C1orf198: variants seen among roughly 807,000 people sequenced by gnomAD.
C1orf198 encodes chromosome 1 open reading frame 198, also known as uncharacterized protein C1orf198.
C1orf198 carries 17 observed loss-of-function variants against 31.4 expected under a neutral mutation model. The ratio of observed to expected loss-of-function variants is 0.54; its 90% CI spans 0.37 to 0.81. The LOEUF (loss-of-function observed/expected upper bound fraction) is 0.81, where lower values mean the gene tolerates loss of function less well. C1orf198 is among the 40% of genes least tolerant of loss of function. C1orf198 has a pLI of 0.00. For synonymous variants in C1orf198, 175 were observed against 193.8 expected, an observed-to-expected ratio of 0.90 and a Z score of 0.81; for missense variants, 401 against 450.3, an observed-to-expected ratio of 0.89 and a Z score of 0.99.
intron 1 of C1orf198, among the ~76,000 whole-genome samples, chr1:230,865,193 C>T (rs1190778209): frequency 6.6e-6 from 1 of 152,194 alleles, no homozygotes; most frequent in Admixed American, 6.5e-5. Flanking sequence ...CAAACTACCC[C>T]TTAAGAGGGG....
intron 1 of C1orf198, among the ~76,000 whole-genome samples, chr1:230,863,011 A>G (rs925229911): frequency 6.6e-6 from 1 of 152,220 alleles, no homozygotes; most frequent in African/African-American, 2.4e-5. Flanking sequence ...ATTCAAAAAG[A>G]GGAGAGTAAG....
At chr1:230,851,852 CA>C (rs1669754449) in intron 2 of C1orf198, among the ~76,000 whole-genome samples, 1 of 152,218 alleles carries the variant, frequency 6.6e-6, no homozygotes, top group African/African-American at 2.4e-5. Flanking sequence ...GCAGCGACCA[CA>C]GGTCCCAAGC....
At chr1:230,859,447 G>C (rs1480243521) in intron 1 of C1orf198, among the ~76,000 whole-genome samples, 1 of 152,118 alleles carries the variant, frequency 6.6e-6, no homozygotes, top group Non-Finnish European at 1.5e-5. Flanking sequence ...GGGCTTCATT[G>C]TTGGCCAGGA....
Position 230,843,284 on chromosome 1 carries a change from G to A in C1orf198, c.927+70C>T. 2.7e-6 allele frequency: 4 copies of A among 1,501,380 alleles called. No individual in the cohort carries two copies. Among genetic ancestry groups the A allele is most frequent in the East Asian group, 2.5e-5 (1 of 40,588 alleles). 93.0% of individuals were successfully genotyped at this position (1,501,380 alleles called of 1,614,324 possible). ...GCACCTGTGGCCTGCCTGCTTTGTG[G>A]GGGACCCTCTCGGTTCCCGTGGAAT... On this transcript the variant is annotated intron_variant, in intron 3 of 3. Coordinates refer to ENST00000366663, the MANE Select transcript of C1orf198 (RefSeq NM_032800.3). This position sits in a 1 kb window ranked among gnomAD's most constrained non-coding sequence, Gnocchi z 4.9.
intron 1 of C1orf198, among the ~76,000 whole-genome samples, chr1:230,867,613 T>C (rs1670150075): frequency 6.6e-6 from 1 of 152,224 alleles, no homozygotes; most frequent in Non-Finnish European, 1.5e-5. Flanking sequence ...CCTCCTTATC[T>C]TGGAAGACAC....
chr1:230,841,527 C>A (rs1449034978), intron 3 of C1orf198, among the ~76,000 whole-genome samples: 2 of 152,328 alleles, frequency 1.3e-5, no homozygotes, highest in African/African-American at 4.8e-5. Flanking sequence ...CCAATAAGCA[C>A]ATGAAATGAG....
chr1:230,850,075 G>A (rs779607159), intron 2 of C1orf198, among the ~76,000 whole-genome samples: 1 of 152,222 alleles, frequency 6.6e-6, no homozygotes, highest in Non-Finnish European at 1.5e-5. Context: ...AGTCCCCAGG[G>A]TTGTCAAGGT....
Position 230,839,823 on chromosome 1 carries a change from G to C in C1orf198, c.*29C>G, listed in dbSNP as rs1669396426. 1 of 1,596,756 alleles carries C rather than the reference G, an allele frequency of 6.3e-7. No homozygotes were observed. Among genetic ancestry groups the C allele is most frequent in the East Asian group, 2.2e-5 (1 of 44,620 alleles). On this transcript the variant is annotated 3_prime_UTR_variant, in exon 4 of 4. Transcript: ENST00000366663. Reference sequence around the variant, plus strand: ...CACACCACTTTGGAAAACATTTTAGGGTTCTTCATTGTATTTTTCTAATAC... The same window carrying C: ...CACACCACTTTGGAAAACATTTTAGCGTTCTTCATTGTATTTTTCTAATAC...
chr1:230,845,087 C>T (rs767186532), intron 2 of C1orf198, among the ~76,000 whole-genome samples: 1 of 152,018 alleles, frequency 6.6e-6, no homozygotes, highest in East Asian at 1.9e-4. Flanking sequence ...AATTAATACG[C>T]CAGATGTGGT....
intron 1 of C1orf198, among the ~76,000 whole-genome samples, chr1:230,856,783 T>C (rs1014143895): frequency 6.6e-6 from 1 of 152,194 alleles, no homozygotes. Flanking sequence ...ACGGAGATCA[T>C]ATCCATATCT....
chr1:230,839,369 GGGCCA>G lies in C1orf198; in HGVS notation c.*478_*482del. ...GAGCGCTGGCTGAGAACGTCGCTGG[GGGCCA>G]GTCTTTCCGGGGTCACAGCCAGCAT... is the stretch of plus-strand genomic sequence containing the variant. On this transcript the variant is annotated 3_prime_UTR_variant, in exon 4 of 4. Transcript: ENST00000366663. 1 of 162,742 alleles carries G rather than the reference GGGCCA, an allele frequency of 6.1e-6. No individual in the cohort carries two copies. The highest frequency in any genetic ancestry group is 1.3e-5 in the Non-Finnish European group (1 of 75,986). The allele number at this position is 162,742 out of a possible 1,614,324, so 10.1% of individuals were successfully genotyped here.
intron 3 of C1orf198, among the ~76,000 whole-genome samples, chr1:230,841,723 T>A (rs1046192829): frequency 9.2e-5 from 14 of 152,292 alleles, no homozygotes; most frequent in African/African-American, 3.4e-4. Flanking sequence ...AGTATGCAGG[T>A]TCTTCAAAAA....
At chr1:230,844,592 G>T (rs564869733) in intron 2 of C1orf198, among the ~76,000 whole-genome samples, 2 of 152,174 alleles carry the variant, frequency 1.3e-5, no homozygotes, top group Non-Finnish European at 2.9e-5. Context: ...GAGTATTACC[G>T]ATGAGTAAGG....
At chr1:230,846,085 T>A (rs1245637146) in intron 2 of C1orf198, among the ~76,000 whole-genome samples, 1 of 152,266 alleles carries the variant, frequency 6.6e-6, no homozygotes, top group Non-Finnish European at 1.5e-5. Context: ...AAGGTTGCCA[T>A]AAACATCTTC....
At chr1:230,860,784 C>A (rs538397119) in intron 1 of C1orf198, among the ~76,000 whole-genome samples, 10 of 152,136 alleles carry the variant, frequency 6.6e-5, no homozygotes, top group Admixed American at 2.0e-4. Flanking sequence ...AAATAATACA[C>A]GAGTTCTGGA....
chr1:230,861,929 T>C (rs2102991631), intron 1 of C1orf198, among the ~76,000 whole-genome samples: 1 of 152,352 alleles, frequency 6.6e-6, no homozygotes, highest in Non-Finnish European at 1.5e-5. Flanking sequence ...GAGTTTCTGG[T>C]TGACACCTGT....
intron 2 of C1orf198, among the ~76,000 whole-genome samples, chr1:230,850,205 G>A (rs748080): frequency 0.11 from 16,944 of 152,206 alleles, 2,183 homozygotes; most frequent in African/African-American, 0.32. Flanking sequence ...GCTTCCTAAC[G>A]GTAACAGGGA....
chr1:230,845,691 A>G (rs952098215), intron 2 of C1orf198, among the ~76,000 whole-genome samples: 1 of 131,890 alleles, frequency 7.6e-6, no homozygotes, highest in Non-Finnish European at 1.5e-5. Context: ...TTCAAAAAAT[A>G]AAAGAAAAGA....
chr1:230,841,322 C>G (rs985197370), intron 3 of C1orf198, among the ~76,000 whole-genome samples: 4 of 152,226 alleles, frequency 2.6e-5, no homozygotes, highest in Admixed American at 2.6e-4. Context: ...AAGGTACTAG[C>G]ACCGCTGGAT....
Sources: allele counts gnomAD v4.1 joint callset (sites outside exome capture counted in the v4.1 genomes callset), GRCh38; gene constraint gnomAD v4.1.1; non-coding constraint Gnocchi (gnomAD v3.1); transcripts MANE v1.5; gene names NCBI Gene and HGNC (gene_info 2026-07-23, HGNC 2026-07-21).